Variants in FAM81A observed in about 807,000 individuals in gnomAD.
The protein encoded by FAM81A is protein FAM81A.
In FAM81A, 19 loss-of-function variants were observed where a neutral mutation model predicts 46.7. The observed-to-expected ratio is 0.41, with a 90% CI of 0.28 to 0.60. The LOEUF is 0.60. Ranked by LOEUF, FAM81A falls within the 20% of genes least tolerant of loss-of-function variation. The pLI, the probability that FAM81A is intolerant of heterozygous loss-of-function variation, is 0.34. For missense variants in FAM81A, 377 were observed against 453.5 expected, an observed-to-expected ratio of 0.83 and a Z score of 1.53; for synonymous variants, 183 against 152.9, an observed-to-expected ratio of 1.20 and a Z score of -1.45.
intron 1 of FAM81A, among the ~76,000 whole-genome samples, chr15:59,450,716 C>T (rs546175654): frequency 6.6e-6 from 1 of 152,182 alleles, no homozygotes; most frequent in Non-Finnish European, 1.5e-5. Context: ...AACAACAAAA[C>T]TTATTCAAGT....
chr15:59,438,082 G>T (rs1413274287), upstream of FAM81A: 1 of 147,040 alleles, frequency 6.8e-6, no homozygotes, highest in East Asian at 2.0e-4. Flanking sequence ...CCGGCGGCGC[G>T]CGGCGGCTCG....
chr15:59,468,845 G>A (rs1217240998), intron 3 of FAM81A, among the ~76,000 whole-genome samples: 5 of 152,130 alleles, frequency 3.3e-5, no homozygotes, highest in African/African-American at 1.2e-4. Context: ...TCTCTTGTGG[G>A]CATTTAGTGC....
chr15:59,439,625 A>T (rs140472248), intron 1 of FAM81A, among the ~76,000 whole-genome samples: 1 of 152,332 alleles, frequency 6.6e-6, no homozygotes, highest in East Asian at 1.9e-4. Context: ...TCATCTGTAT[A>T]AGAACGTGGG....
intron 3 of FAM81A, among the ~76,000 whole-genome samples, chr15:59,468,966 T>G (rs2141671551): frequency 6.6e-6 from 1 of 152,360 alleles, no homozygotes; most frequent in East Asian, 1.9e-4. Context: ...TTTTGTTATG[T>G]ACCCAGTAGT....
At position 59,422,915 on chromosome 15, in the gene FAM81A, A is replaced by T. The variant is rs186782137; in HGVS notation, c.-78+20557A>T. On this transcript the variant is annotated intron_variant, in intron 2 of 4. Transcript: ENST00000558348. ...AGTTAATTTAAGTTTTAAATGGTAAATTTCTTAACTGTATGAATATTTTTT... is the reference window on the plus strand; with the variant it reads ...AGTTAATTTAAGTTTTAAATGGTAATTTTCTTAACTGTATGAATATTTTTT... Among the ~76,000 whole-genome samples the T allele has an allele frequency of 1.3e-3, 203 of 152,236 alleles. 1 individual carries two copies. The highest frequency in any genetic ancestry group is 9.7e-4 in the East Asian group (5 of 5,176).
chr15:59,501,730 G>A (rs2082092911), intron 4 of FAM81A, among the ~76,000 whole-genome samples: 1 of 152,106 alleles, frequency 6.6e-6, no homozygotes, highest in African/African-American at 2.4e-5. Context: ...ACCTGGAATT[G>A]TATCTGGGAG....
chr15:59,483,885 C>T (rs1377879921), intron 3 of FAM81A, among the ~76,000 whole-genome samples: 1 of 152,188 alleles, frequency 6.6e-6, no homozygotes, highest in African/African-American at 2.4e-5. Flanking sequence ...CAGTCTCCTG[C>T]CCCATGGAGG....
At chr15:59,412,826 G>A (rs1249721538) in intron 2 of FAM81A, among the ~76,000 whole-genome samples, 1 of 152,118 alleles carries the variant, frequency 6.6e-6, no homozygotes, top group African/African-American at 2.4e-5. Context: ...GGGGTAGGAA[G>A]GCAGAGTGTT....
chr15:59,401,524 G>A (rs2081070392), intron 1 of FAM81A: 8 of 749,570 alleles, frequency 1.1e-5, no homozygotes, highest in Admixed American at 5.9e-5. Flanking sequence ...TTCTTGTAAA[G>A]CCATCTTGAA....
At chr15:59,493,845 C>G (rs1406275066) in intron 4 of FAM81A, among the ~76,000 whole-genome samples, 2 of 152,156 alleles carry the variant, frequency 1.3e-5, no homozygotes, top group Non-Finnish European at 2.9e-5. Context: ...ACCTCGGCCT[C>G]CAAGAGTGCT....
intron 6 of FAM81A, among the ~76,000 whole-genome samples, chr15:59,513,872 T>C (rs1306143527): frequency 6.6e-6 from 1 of 152,314 alleles, no homozygotes; most frequent in Non-Finnish European, 1.5e-5. Context: ...ATGGTACTTA[T>C]ATAGCATGGA....
chr15:59,504,422 T>G (rs2082128045), intron 4 of FAM81A, among the ~76,000 whole-genome samples: 1 of 152,228 alleles, frequency 6.6e-6, no homozygotes, highest in Non-Finnish European at 1.5e-5. Flanking sequence ...GGGTTTTAGG[T>G]GATGAAAGAG....
At chr15:59,421,770 T>TCTAA (rs2081173635) in intron 2 of FAM81A, among the ~76,000 whole-genome samples, 1 of 148,172 alleles carries the variant, frequency 6.7e-6, no homozygotes, top group African/African-American at 2.4e-5. Flanking sequence ...TATCTATCTA[T>TCTAA]CTATCTATCT....
chr15:59,510,502 A>G (rs1329982181), intron 6 of FAM81A, among the ~76,000 whole-genome samples: 1 of 151,670 alleles, frequency 6.6e-6, no homozygotes, highest in Non-Finnish European at 1.5e-5. Flanking sequence ...AGAGAGAGAA[A>G]TTAGACCAAT....
chr15:59,460,459 A>AT lies in FAM81A; in HGVS notation c.294+257dup. On this transcript the variant is annotated intron_variant, in intron 3 of 8. Transcript: ENST00000288228. The surrounding 1 kb of genome is among the most constrained non-coding windows in gnomAD (Gnocchi z 4.4). ...AATTTACCTTGCTGATTATTAAATG[A>AT]TTTTATTTTGTTTGGCTCTTAATGA... The AT allele has an allele frequency of 1.8e-6, 1 of 561,822 alleles. No individual in the cohort carries two copies. The highest frequency in any genetic ancestry group is 3.2e-6 in the Non-Finnish European group (1 of 313,424). The allele number at this position is 561,822 out of a possible 1,614,324, so 34.8% of individuals were successfully genotyped here. A position where few individuals can be genotyped will look rare whatever the true frequency, so the allele number is the denominator to read the frequency against.
intron 1 of FAM81A, among the ~76,000 whole-genome samples, chr15:59,457,533 G>A (rs945958983): frequency 8.5e-5 from 13 of 152,296 alleles, no homozygotes; most frequent in Admixed American, 6.5e-4. Flanking sequence ...TGGGGGTCTT[G>A]GAATGTACCC....
At chr15:59,490,327 A>G (rs1161510638) in intron 3 of FAM81A, among the ~76,000 whole-genome samples, 3 of 152,176 alleles carry the variant, frequency 2.0e-5, no homozygotes, top group African/African-American at 7.2e-5. Flanking sequence ...GGGAGAACGT[A>G]GTTGCAAACT....
intron 4 of FAM81A, among the ~76,000 whole-genome samples, chr15:59,497,264 G>A (rs1342245083): frequency 6.6e-6 from 1 of 151,986 alleles, no homozygotes; most frequent in Non-Finnish European, 1.5e-5. Flanking sequence ...TGGCCAACAT[G>A]GTGAAATCCC....
rs566314552 is a variant in FAM81A at position 59,457,141 on chromosome 15, A to G, written c.-77-1409A>G. ...TATCGATGGTTTCACTTTCCACATT[A>G]TCCAAGGTCAACCATGGTCAAAAAT... On this transcript the variant is annotated intron_variant, in intron 1 of 8. Coordinates refer to ENST00000288228, the MANE Select transcript of FAM81A (RefSeq NM_152450.3). Among the ~76,000 whole-genome samples the G allele has an allele frequency of 5.9e-5, 9 of 152,326 alleles. No homozygotes were observed. The South Asian group carries it at 1.7e-3, about 28-fold the overall frequency.
Sources: allele counts gnomAD v4.1 joint callset (sites outside exome capture counted in the v4.1 genomes callset), GRCh38; gene constraint gnomAD v4.1.1; non-coding constraint Gnocchi (gnomAD v3.1); transcripts MANE v1.5; gene names NCBI Gene and HGNC (gene_info 2026-07-23, HGNC 2026-07-21).